Variants in EMC8 observed in about 807,000 individuals in gnomAD.
EMC8 encodes COX4 neighbor.
EMC8 carries 11 observed loss-of-function variants against 24.3 expected under a neutral mutation model. The ratio of observed to expected loss-of-function variants is 0.45; its 90% CI spans 0.28 to 0.75. The LOEUF is 0.75. Ranked by LOEUF, EMC8 falls within the 30% of genes least tolerant of loss-of-function variation. The pLI, the probability that EMC8 is intolerant of heterozygous loss-of-function variation, is 0.12. For synonymous variants in EMC8, 145 were observed against 117.7 expected (o/e 1.23, Z -1.50); for missense variants, 277 against 282.7 (o/e 0.98, Z 0.14).
At chr16:85,796,063 T>C (rs940818247) in intron 1 of EMC8, among the ~76,000 whole-genome samples, 2 of 152,176 alleles carry the variant, frequency 1.3e-5, no homozygotes, top group Admixed American at 1.3e-4. Context: ...CCTGCTCTCA[T>C]GGCTTCAGAA....
intron 1 of EMC8, among the ~76,000 whole-genome samples, chr16:85,791,430 G>A (rs557094006): frequency 3.3e-5 from 5 of 152,224 alleles, no homozygotes; most frequent in South Asian, 4.1e-4. Flanking sequence ...TTTAAGCCCC[G>A]CATGCATTAG....
At chr16:85,779,918 TTG>T (rs1382124685) in intron 4 of EMC8, 51 bp from the exon 5 acceptor site, 3 of 1,561,326 alleles carry the variant, frequency 1.9e-6, no homozygotes, top group Non-Finnish European at 2.6e-6. Flanking sequence ...AACGGGCGGC[TTG>T]TAACAGCATC....
At chr16:85,792,007 G>C (rs1905033594) in intron 1 of EMC8, among the ~76,000 whole-genome samples, 1 of 152,114 alleles carries the variant, frequency 6.6e-6, no homozygotes, top group Non-Finnish European at 1.5e-5. Context: ...AAAACCATAG[G>C]ACATATTTTT....
intron 2 of EMC8, among the ~76,000 whole-genome samples, chr16:85,782,443 T>C (rs929359996): frequency 6.6e-6 from 1 of 152,222 alleles, no homozygotes; most frequent in Non-Finnish European, 1.5e-5. Context: ...TTCTATCCTA[T>C]GCCAGGAAGG....
rs1281715514 is a variant in EMC8, at chr16:85,778,668, C to T, written c.*1040G>A. The T allele has an allele frequency of 6.6e-6, 1 of 152,222 alleles. No homozygotes were observed. Among genetic ancestry groups the T allele is most frequent in the East Asian group, 1.9e-4 (1 of 5,198 alleles). 9.4% of individuals were successfully genotyped at this position (152,222 alleles called of 1,614,324 possible). On this transcript the variant is annotated 3_prime_UTR_variant, in exon 5 of 5. Transcript: ENST00000253457. ...CACATTTATTGTAGCGATGTCTGAA[C>T]TTTTTTCCTATGTGTTAAGAGAAAA...
At chr16:85,786,071 G>A (rs1015802202) in intron 2 of EMC8, among the ~76,000 whole-genome samples, 5 of 152,194 alleles carry the variant, frequency 3.3e-5, no homozygotes, top group Non-Finnish European at 7.4e-5. Context: ...CACAGCACTA[G>A]TAACAGCACC....
At chr16:85,796,275 C>A (rs866513173) in intron 1 of EMC8, among the ~76,000 whole-genome samples, 1 of 152,204 alleles carries the variant, frequency 6.6e-6, no homozygotes, top group East Asian at 1.9e-4. Flanking sequence ...ATCGTCCCAG[C>A]GCACAAGCCA....
chr16:85,796,319 C>T (rs1411994505), intron 1 of EMC8, among the ~76,000 whole-genome samples: 1 of 152,194 alleles, frequency 6.6e-6, no homozygotes, highest in Non-Finnish European at 1.5e-5. Context: ...TCCTTTTCCC[C>T]TAGGTCCATG....
At chr16:85,780,246 G>A (rs2233454) in intron 4 of EMC8, 133 bp downstream of exon 4, 2 of 690,890 alleles carry the variant, frequency 2.9e-6, no homozygotes, top group Non-Finnish European at 5.1e-6. Flanking sequence ...GGGCCTACAG[G>A]AGCCGGGGAA....
Position 85,780,419 on chromosome 16 carries a change from C to A in EMC8, c.433G>T (p.Glu145Ter). 1 of 1,614,214 alleles carries A rather than the reference C, an allele frequency of 6.2e-7. No homozygotes were observed. Among genetic ancestry groups the A allele is most frequent in the Non-Finnish European group, 8.5e-7 (1 of 1,180,026 alleles). The change falls in exon 4 of 5, where the codon GAG becomes TAG. Residue 145 changes from glutamate (E) to a stop codon, truncating the protein, a stop_gained. Transcript: ENST00000253457. LOFTEE classifies it high-confidence loss of function. ...CACCGCCATCTGTTCTCATGGTGCT[C>A]GTACACGTGGATCGTAGGCGCTACG... ...DCVAPTIHVY[E>*]HHENRWRCRD... is the part of the protein sequence containing the mutation.
chr16:85,789,614 A>C (rs61539663), intron 1 of EMC8, among the ~76,000 whole-genome samples: 2 of 152,014 alleles, frequency 1.3e-5, no homozygotes, highest in Non-Finnish European at 2.9e-5. Context: ...CAATGTGGAG[A>C]AACCCCATCT....
At chr16:85,780,246 G>C (rs2233454) in intron 4 of EMC8, 133 bp downstream of exon 4, 21,542 of 690,798 alleles carry the variant, frequency 0.031, 430 homozygotes, top group Non-Finnish European at 0.042. Context: ...GGGCCTACAG[G>C]AGCCGGGGAA....
Position 85,780,182 on chromosome 16 carries a change from G to A in EMC8, c.473+197C>T, listed in dbSNP as rs988595036. On this transcript the variant is annotated intron_variant, in intron 4 of 4. Coordinates refer to ENST00000253457, the MANE Select transcript of EMC8 (RefSeq NM_006067.5). Reference sequence around the variant, plus strand: ...TGTGCTCTAGCGCCTGGGGTGGGAAGACCTGTGGGTACCACTGAGGTTCCC... The same window carrying A: ...TGTGCTCTAGCGCCTGGGGTGGGAAAACCTGTGGGTACCACTGAGGTTCCC... 12 of 608,836 alleles carry A rather than the reference G, an allele frequency of 2.0e-5. No individual in the cohort carries two copies. In the African/African-American group the frequency reaches 2.0e-4, roughly 10 times the overall value. 37.7% of individuals were successfully genotyped at this position (608,836 alleles called of 1,614,324 possible). A position where few individuals can be genotyped will look rare whatever the true frequency, so the allele number is the denominator to read the frequency against.
At chr16:85,786,286 A>G (rs1474513129) in intron 2 of EMC8, among the ~76,000 whole-genome samples, 1 of 152,246 alleles carries the variant, frequency 6.6e-6, no homozygotes. Flanking sequence ...GAATGAGGCA[A>G]TATTTCTAGA....
At chr16:85,788,021 C>T (rs1478243715) in intron 2 of EMC8, among the ~76,000 whole-genome samples, 3 of 152,216 alleles carry the variant, frequency 2.0e-5, no homozygotes, top group Non-Finnish European at 2.9e-5. Context: ...CCCCCATCTC[C>T]CTGGACACTG....
chr16:85,795,986 T>A (rs770657456), intron 1 of EMC8, among the ~76,000 whole-genome samples: 2 of 152,170 alleles, frequency 1.3e-5, no homozygotes, highest in South Asian at 4.1e-4. Context: ...TGTTGACTGT[T>A]GGCGGTGAGA....
At chr16:85,783,780 T>G (rs1904622642) in intron 2 of EMC8, among the ~76,000 whole-genome samples, 1 of 152,148 alleles carries the variant, frequency 6.6e-6, no homozygotes, top group Non-Finnish European at 1.5e-5. Flanking sequence ...ACTGAATTGC[T>G]TCCCCTCTTT....
chr16:85,792,815 C>T (rs1905075497), intron 1 of EMC8: 1 of 152,270 alleles, frequency 6.6e-6, no homozygotes, highest in South Asian at 2.1e-4. Flanking sequence ...CGAGAAGCCA[C>T]TCAACCTCTG....
intron 2 of EMC8, among the ~76,000 whole-genome samples, chr16:85,788,546 G>A: frequency 6.6e-6 from 1 of 152,232 alleles, no homozygotes; most frequent in Non-Finnish European, 1.5e-5. Flanking sequence ...AGTATAAAGG[G>A]GGCAGCAAAT....
Sources: gnomAD v4.1 joint callset for allele counts (sites outside exome capture counted in the v4.1 genomes callset) on GRCh38, gnomAD v4.1.1 for gene constraint, MANE v1.5 for transcripts, NCBI Gene and HGNC (gene_info 2026-07-23, HGNC 2026-07-21) for gene names.